The following KRT8 variants were observed in gnomAD, a reference collection of about 807,000 sequenced individuals.
The protein encoded by KRT8 is keratin 8.
A neutral mutation model predicts 43.0 loss-of-function variants in KRT8; 24 were observed. The observed-to-expected ratio is 0.56, with a 90% CI of 0.40 to 0.78. The LOEUF is 0.78. Ranked by LOEUF, KRT8 falls within the 30% of genes least tolerant of loss-of-function variation. The probability of loss-of-function intolerance (pLI) is 0.00; values close to 1 mark genes in which losing one functional copy is unlikely to be tolerated. For synonymous variants in KRT8, 214 were observed against 261.2 expected, an observed-to-expected ratio of 0.82 and a Z score of 1.74; for missense variants, 492 against 638.4, an observed-to-expected ratio of 0.77 and a Z score of 2.47.
intron 7 of KRT8, 129 bp from the exon 8 acceptor site, chr12:52,897,747 T>G: frequency 1.6e-6 from 2 of 1,243,328 alleles, no homozygotes; most frequent in Non-Finnish European, 2.3e-6. Context: ...GCCTGATCAG[T>G]GATTGCATGG....
intron 1 of KRT8, among the ~76,000 whole-genome samples, chr12:52,904,157 A>T (rs927855966): frequency 2.0e-5 from 3 of 151,956 alleles, no homozygotes; most frequent in Non-Finnish European, 4.4e-5. Context: ...AAAAAAAATC[A>T]CAAAGGCACC....
At chr12:52,941,851 C>T (rs2120734479) in intron 2 of KRT8, among the ~76,000 whole-genome samples, 1 of 152,202 alleles carries the variant, frequency 6.6e-6, no homozygotes, top group South Asian at 2.1e-4. Context: ...TCTCCATGAC[C>T]CCAGTCCTTC....
intron 2 of KRT8, among the ~76,000 whole-genome samples, chr12:52,927,323 A>T (rs1315335147): frequency 6.6e-6 from 1 of 152,202 alleles, no homozygotes; most frequent in Non-Finnish European, 1.5e-5. Context: ...GCCAGAGAAC[A>T]GTGAGAGGGT....
intron 2 of KRT8, chr12:52,948,613 T>A: frequency 4.5e-6 from 1 of 221,044 alleles, no homozygotes; most frequent in East Asian, 9.1e-5. Context: ...TTCCTCAGCC[T>A]CCCAAGTAGC....
At chr12:52,945,759 C>G (rs1349305392) in intron 2 of KRT8, among the ~76,000 whole-genome samples, 1 of 152,118 alleles carries the variant, frequency 6.6e-6, no homozygotes, top group Admixed American at 6.6e-5. Context: ...CCGGATTCCC[C>G]CCTGCCGAGG....
intron 2 of KRT8, among the ~76,000 whole-genome samples, chr12:52,939,058 C>A (rs190361052): frequency 6.6e-6 from 1 of 151,956 alleles, no homozygotes; most frequent in East Asian, 1.9e-4. Context: ...ATACTCCAAC[C>A]TGGGTGACAG....
chr12:52,934,503 T>A lies in KRT8; in HGVS notation c.-47+14953A>T, dbSNP rs540093256. 2.0e-5 allele frequency among the ~76,000 whole-genome samples: 3 copies of A among 151,984 alleles called. No homozygotes were observed. The South Asian group carries it at 6.2e-4, about 32-fold the overall frequency. On this transcript the variant is annotated intron_variant, in intron 2 of 6. Coordinates refer to the KRT8 transcript ENST00000546826. ...TGAACCCAGTAGGCAGAGGTTGGAG[T>A]GAGCTGAGATCAAGCCATTGCACTC... is the stretch of plus-strand genomic sequence containing the variant.
At chr12:52,906,510 G>A (rs955463255), upstream of KRT8, 7 of 357,346 alleles carry the variant, frequency 2.0e-5, no homozygotes, top group Middle Eastern at 1.9e-3. Flanking sequence ...AGGTTGGGAC[G>A]TAGCACGCAC....
intron 7 of KRT8, 44 bp downstream of exon 7, chr12:52,898,417 G>A (rs1422632404): frequency 7.0e-6 from 11 of 1,572,582 alleles, no homozygotes; most frequent in Non-Finnish European, 9.6e-6. Context: ...AGGCCTCCCT[G>A]GGCCCTGCCT....
chr12:52,914,958 C>T (rs1324925849), intron 2 of KRT8, among the ~76,000 whole-genome samples: 1 of 152,216 alleles, frequency 6.6e-6, no homozygotes, highest in Non-Finnish European at 1.5e-5. Context: ...ACATGCTCAT[C>T]TCTGAACCAA....
Position 52,898,431 on chromosome 12 carries a change from G to A in KRT8, c.1261+30C>T, listed in dbSNP as rs959059065. ...GAGGCCTCCCTGGGCCCTGCCTCCCGCCCTCATCCCAGGGCCCTGGGACAC... is the reference window on the plus strand; with the variant it reads ...GAGGCCTCCCTGGGCCCTGCCTCCCACCCTCATCCCAGGGCCCTGGGACAC... On this transcript the variant is annotated intron_variant, in intron 7 of 7. Coordinates refer to ENST00000692008, the Ensembl canonical transcript of KRT8. 5.6e-6 allele frequency: 9 copies of A among 1,604,124 alleles called. 1 individual carries two copies. The highest frequency in any genetic ancestry group is 3.4e-5 in the Admixed American group (2 of 59,236).
chr12:52,918,894 T>C (rs1941830320), intron 2 of KRT8, among the ~76,000 whole-genome samples: 1 of 152,088 alleles, frequency 6.6e-6, no homozygotes, highest in Non-Finnish European at 1.5e-5. Context: ...GTTTAAGCCT[T>C]GTGTTTCCCT....
intron 2 of KRT8, among the ~76,000 whole-genome samples, chr12:52,935,107 G>A (rs1007182414): frequency 9.9e-5 from 15 of 151,284 alleles, no homozygotes; most frequent in Non-Finnish European, 1.9e-4. Context: ...TAGGCCTGGC[G>A]TGGTGGCTCA....
chr12:52,904,842 C>G (rs775896565), exon 1 of KRT8: 9 of 1,612,644 alleles, frequency 5.6e-6, no homozygotes, highest in Non-Finnish European at 7.6e-6. Flanking sequence ...CAGGCCACCG[C>G]GAAAGTTGCT....
At chr12:52,943,492 T>C (rs1168561228) in intron 2 of KRT8, among the ~76,000 whole-genome samples, 1 of 152,182 alleles carries the variant, frequency 6.6e-6, no homozygotes, top group Non-Finnish European at 1.5e-5. Context: ...CTTCCTCTTC[T>C]TCTTGCCTCA....
upstream of KRT8, among the ~76,000 whole-genome samples, chr12:52,910,143 G>A (rs1011121220): frequency 6.6e-6 from 1 of 152,190 alleles, no homozygotes; most frequent in Non-Finnish European, 1.5e-5. Context: ...CCCACTGGGT[G>A]AGCATGAAGC....
chr12:52,937,296 G>A (rs187160432), intron 2 of KRT8, among the ~76,000 whole-genome samples: 215 of 151,908 alleles, frequency 1.4e-3, no homozygotes, highest in Admixed American at 0.014. Context: ...GCTAGAACTC[G>A]GGAGGCAGAG....
intron 2 of KRT8, among the ~76,000 whole-genome samples, chr12:52,942,817 C>T (rs1942288498): frequency 1.3e-5 from 2 of 152,068 alleles, no homozygotes; most frequent in South Asian, 4.1e-4. Context: ...ACCACTGACT[C>T]ACCTTCTTAT....
intron 2 of KRT8, among the ~76,000 whole-genome samples, chr12:52,933,241 G>C (rs909104311): frequency 6.6e-6 from 1 of 152,020 alleles, no homozygotes; most frequent in Non-Finnish European, 1.5e-5. Flanking sequence ...CCACCATGCC[G>C]GCCTCACAAA....
Sources: allele counts gnomAD v4.1 joint callset (sites outside exome capture counted in the v4.1 genomes callset), GRCh38; gene constraint gnomAD v4.1.1; transcripts MANE v1.5; gene names NCBI Gene and HGNC (gene_info 2026-07-23, HGNC 2026-07-21).